CTNNA3: variants seen among roughly 807,000 people sequenced by gnomAD.
CTNNA3 encodes catenin alpha-3.
Under a neutral mutation model 95.7 loss-of-function variants are expected in CTNNA3, and 76 were observed. That is an observed-to-expected ratio of 0.79 (90% CI 0.66 to 0.96). The LOEUF (loss-of-function observed/expected upper bound fraction) is 0.96. CTNNA3 is among the 40% of genes least tolerant of loss of function. The probability of loss-of-function intolerance (pLI) is 0.00; values close to 1 mark genes in which losing one functional copy is unlikely to be tolerated. For synonymous variants in CTNNA3, 431 were observed against 374.4 expected, an observed-to-expected ratio of 1.15 and a Z score of -1.74; for missense variants, 1,191 against 1,089.8, an observed-to-expected ratio of 1.09 and a Z score of -1.31.
chr10:66,303,885 T>C (rs1016905243), intron 12 of CTNNA3, among the ~76,000 whole-genome samples: 2 of 152,280 alleles, frequency 1.3e-5, no homozygotes, highest in African/African-American at 2.4e-5. Flanking sequence ...TGAGCCACTG[T>C]GCCCGGTAAA....
At chr10:66,705,598 C>T (rs1848090130) in intron 9 of CTNNA3, among the ~76,000 whole-genome samples, 1 of 151,982 alleles carries the variant, frequency 6.6e-6, no homozygotes, top group African/African-American at 2.4e-5. Context: ...AATGTTCTAT[C>T]AATTATTGAG....
intron 9 of CTNNA3, among the ~76,000 whole-genome samples, chr10:66,741,496 G>A (rs111993535): frequency 1.8e-4 from 28 of 152,240 alleles, no homozygotes; most frequent in Non-Finnish European, 1.6e-4. Flanking sequence ...CTAAACTGAC[G>A]GCTGGGAAAA....
intron 7 of CTNNA3, among the ~76,000 whole-genome samples, chr10:67,145,438 T>G (rs1195800558): frequency 6.3e-5 from 2 of 31,774 alleles, no homozygotes; most frequent in African/African-American, 1.4e-4. Flanking sequence ...TTTTTTTAGT[T>G]TTTTTTTTTT....
chr10:67,163,188 T>C (rs1458712723), intron 7 of CTNNA3, among the ~76,000 whole-genome samples: 1 of 151,940 alleles, frequency 6.6e-6, no homozygotes, highest in South Asian at 2.1e-4. Context: ...AAATTAATAC[T>C]CTTCATTAAT....
At chr10:67,347,852 A>G (rs1842491105) in intron 5 of CTNNA3, among the ~76,000 whole-genome samples, 1 of 150,716 alleles carries the variant, frequency 6.6e-6, no homozygotes, top group South Asian at 2.1e-4. Context: ...AAAAAAACAC[A>G]AAAACCAAAT....
At chr10:66,024,085 ATTTTTTTTTTT>A (rs71474007) in intron 15 of CTNNA3, among the ~76,000 whole-genome samples, 35 of 87,750 alleles carry the variant, frequency 4.0e-4, no homozygotes, top group Non-Finnish European at 6.4e-4. Context: ...TACCATACAC[ATTTTTTTTTTT>A]TTTTTTTTTT....
At chr10:67,701,712 A>G (rs900574747) in intron 1 of CTNNA3, among the ~76,000 whole-genome samples, 1 of 152,256 alleles carries the variant, frequency 6.6e-6, no homozygotes, top group Non-Finnish European at 1.5e-5. Context: ...AAGAAACTGC[A>G]TCAACTAATG....
intron 6 of CTNNA3, among the ~76,000 whole-genome samples, chr10:67,197,512 T>C (rs1863434225): frequency 6.6e-6 from 1 of 152,058 alleles, no homozygotes; most frequent in Non-Finnish European, 1.5e-5. Flanking sequence ...CTCAAAGTCA[T>C]ATCTGCTGTA....
At chr10:66,649,672 G>C (rs1008393313) in intron 9 of CTNNA3, among the ~76,000 whole-genome samples, 5 of 152,162 alleles carry the variant, frequency 3.3e-5, no homozygotes, top group African/African-American at 1.2e-4. Flanking sequence ...CCACAGCCCT[G>C]GGATCCATGC....
intron 1 of CTNNA3, among the ~76,000 whole-genome samples, chr10:67,680,364 A>G (rs1840604327): frequency 6.6e-6 from 1 of 152,242 alleles, no homozygotes; most frequent in Admixed American, 6.5e-5. Flanking sequence ...ATAAAACATT[A>G]AAATAACTCA....
intron 17 of CTNNA3, among the ~76,000 whole-genome samples, chr10:65,927,628 G>A (rs2077187578): frequency 6.6e-6 from 1 of 152,186 alleles, no homozygotes; most frequent in African/African-American, 2.4e-5. Flanking sequence ...GCATGTACCA[G>A]TAGTTTATTT....
chr10:67,264,985 A>G (rs1186801270), intron 5 of CTNNA3, among the ~76,000 whole-genome samples: 2 of 152,182 alleles, frequency 1.3e-5, no homozygotes, highest in East Asian at 3.9e-4. Context: ...AATTTTTGAA[A>G]TCAGTCACTA....
At chr10:66,569,325 C>G (rs2132159229) in intron 10 of CTNNA3, among the ~76,000 whole-genome samples, 1 of 152,198 alleles carries the variant, frequency 6.6e-6, no homozygotes, top group Non-Finnish European at 1.5e-5. Flanking sequence ...CAAACATTAT[C>G]AAGGTTAATA....
chr10:66,066,111 C>T (rs901149090), intron 15 of CTNNA3, among the ~76,000 whole-genome samples: 1 of 152,074 alleles, frequency 6.6e-6, no homozygotes, highest in Non-Finnish European at 1.5e-5. Flanking sequence ...GACCTGTCCA[C>T]CTTGGCCTCC....
At chr10:66,010,256 C>A (rs2078979087) in intron 15 of CTNNA3, among the ~76,000 whole-genome samples, 1 of 152,010 alleles carries the variant, frequency 6.6e-6, no homozygotes. Context: ...CTGTCAATGA[C>A]CATAAGGACA....
intron 7 of CTNNA3, among the ~76,000 whole-genome samples, chr10:67,030,179 G>C (rs952431761): frequency 3.9e-5 from 6 of 152,128 alleles, no homozygotes; most frequent in Non-Finnish European, 8.8e-5. Flanking sequence ...GGTTTACAAG[G>C]GAAGTCAGAC....
chr10:66,820,057 T>C (rs1460601247), intron 7 of CTNNA3, among the ~76,000 whole-genome samples: 1 of 139,578 alleles, frequency 7.2e-6, no homozygotes, highest in Non-Finnish European at 1.5e-5. Flanking sequence ...TTAGTGATAA[T>C]AGCAAAAAAA....
chr10:67,039,622 A>G (rs1318797511), intron 7 of CTNNA3, among the ~76,000 whole-genome samples: 1 of 152,148 alleles, frequency 6.6e-6, no homozygotes, highest in Non-Finnish European at 1.5e-5. Flanking sequence ...TAGAGGTTAG[A>G]GGTGAAAATT....
chr10:66,305,199 A>C (rs1299495297), intron 12 of CTNNA3, among the ~76,000 whole-genome samples: 1 of 152,104 alleles, frequency 6.6e-6, no homozygotes, highest in Non-Finnish European at 1.5e-5. Context: ...AGAATGACAA[A>C]AACTATCTCC....
Sources: gnomAD v4.1 joint callset for allele counts (sites outside exome capture counted in the v4.1 genomes callset) on GRCh38, gnomAD v4.1.1 for gene constraint, MANE v1.5 for transcripts, NCBI Gene and HGNC (gene_info 2026-07-23, HGNC 2026-07-21) for gene names.